The following NUBPL variants were observed in gnomAD, a reference collection of about 807,000 sequenced individuals.
NUBPL encodes NUBP iron-sulfur cluster assembly factor, mitochondrial, also known as iron-sulfur cluster transfer protein NUBPL.
A neutral mutation model predicts 45.7 loss-of-function variants in NUBPL; 31 were observed. The ratio of observed to expected loss-of-function variants is 0.68; its 90% CI spans 0.51 to 0.92. The LOEUF (loss-of-function observed/expected upper bound fraction) is 0.92, where lower values mean the gene tolerates loss of function less well. NUBPL is among the 40% of genes least tolerant of loss of function. NUBPL has a pLI of 0.00. For synonymous variants in NUBPL, 144 were observed against 140.9 expected, an observed-to-expected ratio of 1.02 and a Z score of -0.15; for missense variants, 401 against 398.7, an observed-to-expected ratio of 1.01 and a Z score of -0.05.
Position 31,730,055 on chromosome 14 carries a change from G to T in NUBPL, c.513+56481G>T, listed in dbSNP as rs61180586. Among the ~76,000 whole-genome samples the T allele has an allele frequency of 8.9e-4, 135 of 152,164 alleles. No homozygotes were observed. In the Middle Eastern group the frequency reaches 0.014, roughly 15 times the overall value. ...CCAGTTTACAGAGATTTAATGATTA[G>T]AAAAAGTAAGGTTCTGTTGATATCA... On this transcript the variant is annotated intron_variant, in intron 6 of 10. Transcript: ENST00000281081.
chr14:31,815,973 C>T (rs2138925893), intron 7 of NUBPL, among the ~76,000 whole-genome samples: 1 of 152,240 alleles, frequency 6.6e-6, no homozygotes, highest in Admixed American at 6.5e-5. Flanking sequence ...TGATGTTCAT[C>T]AGTGATATGG....
At chr14:31,590,098 T>G (rs1490836097) in intron 3 of NUBPL, among the ~76,000 whole-genome samples, 3 of 152,216 alleles carry the variant, frequency 2.0e-5, no homozygotes, top group African/African-American at 7.2e-5. Flanking sequence ...TTTCATTATC[T>G]GATTCTGTCT....
chr14:31,832,824 A>T (rs10139914), intron 8 of NUBPL, among the ~76,000 whole-genome samples: 19,746 of 151,992 alleles, frequency 0.13, 3,646 homozygotes, highest in African/African-American at 0.41. Flanking sequence ...TATCTATTCT[A>T]TGCCTTAGTT....
intron 6 of NUBPL, 144 bp downstream of exon 6, chr14:31,673,718 A>T: frequency 1.3e-6 from 1 of 748,214 alleles, no homozygotes. Context: ...CTAATGAGTT[A>T]ATGTGATGCC....
intron 7 of NUBPL, among the ~76,000 whole-genome samples, chr14:31,806,580 C>G (rs1422787210): frequency 1.3e-5 from 2 of 151,928 alleles, no homozygotes; most frequent in Non-Finnish European, 2.9e-5. Context: ...AGGGTTTTAT[C>G]TTTTCTTTTT....
intron 3 of NUBPL, among the ~76,000 whole-genome samples, chr14:31,588,000 G>C (rs1040863125): frequency 1.3e-5 from 2 of 152,148 alleles, no homozygotes; most frequent in Non-Finnish European, 2.9e-5. Flanking sequence ...TGCATAAAGA[G>C]GTCTTGGTGT....
chr14:31,859,440 C>T lies in NUBPL; in HGVS notation c.*260C>T. 2.1e-6 allele frequency: 1 copy of T among 477,648 alleles called. No individual in the cohort carries two copies. The highest frequency in any genetic ancestry group is 3.4e-5 in the Admixed American group (1 of 29,740). 29.6% of individuals were successfully genotyped at this position (477,648 alleles called of 1,614,324 possible). A position where few individuals can be genotyped will look rare whatever the true frequency, so the allele number is the denominator to read the frequency against. ...CTGCATTTTATTTTATTGAATTACC[C>T]CTTTAGAAATCACGAGTTTATGATG... On this transcript the variant is annotated 3_prime_UTR_variant, in exon 11 of 11. Transcript: ENST00000281081.
chr14:31,685,282 A>G (rs1395671464), intron 6 of NUBPL, among the ~76,000 whole-genome samples: 2 of 152,346 alleles, frequency 1.3e-5, no homozygotes, highest in African/African-American at 2.4e-5. Context: ...GGAATAATAG[A>G]TGTTCGGTGG....
intron 7 of NUBPL, 60 bp downstream of exon 7, chr14:31,787,933 C>G (rs2039313481): frequency 2.6e-6 from 3 of 1,137,022 alleles, no homozygotes; most frequent in African/African-American, 3.1e-5. Flanking sequence ...ATTGCTATAC[C>G]AAAAAACAAA....
chr14:31,646,973 T>C (rs971866056), intron 4 of NUBPL, among the ~76,000 whole-genome samples: 1 of 152,192 alleles, frequency 6.6e-6, no homozygotes, highest in Non-Finnish European at 1.5e-5. Context: ...CTTTGCTTGA[T>C]CCAGTCTGCT....
At chr14:31,834,290 C>T (rs949386632) in intron 8 of NUBPL, among the ~76,000 whole-genome samples, 1 of 146,996 alleles carries the variant, frequency 6.8e-6, no homozygotes, top group Non-Finnish European at 1.5e-5. Context: ...AAGCAATTCT[C>T]CTGCCTCAGC....
chr14:31,715,200 T>G (rs1211403345), intron 6 of NUBPL, among the ~76,000 whole-genome samples: 1 of 152,214 alleles, frequency 6.6e-6, no homozygotes, highest in African/African-American at 2.4e-5. Flanking sequence ...AATACTACAT[T>G]CTCTTGTGGC....
intron 8 of NUBPL, among the ~76,000 whole-genome samples, chr14:31,841,421 G>C (rs561667611): frequency 6.6e-6 from 1 of 152,174 alleles, no homozygotes; most frequent in East Asian, 1.9e-4. Context: ...TGTACTTTGA[G>C]TATCTTCTTT....
At chr14:31,607,287 G>T (rs1286855432) in intron 4 of NUBPL, among the ~76,000 whole-genome samples, 3 of 151,918 alleles carry the variant, frequency 2.0e-5, no homozygotes, top group African/African-American at 7.3e-5. Flanking sequence ...GGAGGCTGAG[G>T]CAGGAAAATT....
chr14:31,833,225 C>T (rs75261461), intron 8 of NUBPL, among the ~76,000 whole-genome samples: 69 of 152,048 alleles, frequency 4.5e-4, no homozygotes, highest in Non-Finnish European at 7.1e-4. Flanking sequence ...AAAAATTAGC[C>T]AAGTATGGTG....
At chr14:31,704,710 C>CT (rs1183395858) in intron 6 of NUBPL, among the ~76,000 whole-genome samples, 1 of 151,992 alleles carries the variant, frequency 6.6e-6, no homozygotes, top group East Asian at 1.9e-4. Context: ...TCTTTGTTCA[C>CT]TTTTTTTCTC....
rs564139137 is a variant in NUBPL at position 31,809,891 on chromosome 14, G to T, written c.608-16738G>T. ...CGTTATGTACCCAGTAGTCATTCAG[G>T]AGCAGGTTGTTAAGTTTCCATGTAG... On this transcript the variant is annotated intron_variant, in intron 7 of 10. Transcript: ENST00000281081. Among the ~76,000 whole-genome samples the T allele has an allele frequency of 1.1e-3, 170 of 152,276 alleles. No homozygotes were observed. In the Middle Eastern group the frequency reaches 0.014, roughly 12 times the overall value.
intron 8 of NUBPL, among the ~76,000 whole-genome samples, chr14:31,837,825 C>T (rs570839114): frequency 1.3e-4 from 20 of 152,000 alleles, no homozygotes; most frequent in Non-Finnish European, 2.8e-4. Flanking sequence ...TATGGCAATG[C>T]AAATTAAAAC....
At chr14:31,791,398 A>T (rs1413162293) in intron 7 of NUBPL, among the ~76,000 whole-genome samples, 1 of 152,250 alleles carries the variant, frequency 6.6e-6, no homozygotes, top group African/African-American at 2.4e-5. Flanking sequence ...AGCACTATAG[A>T]GAAGAAAAGG....
Sources: gnomAD v4.1 joint callset for allele counts (sites outside exome capture counted in the v4.1 genomes callset) on GRCh38, gnomAD v4.1.1 for gene constraint, MANE v1.5 for transcripts, NCBI Gene and HGNC (gene_info 2026-07-23, HGNC 2026-07-21) for gene names.